Variants in VPS13A observed in about 807,000 individuals in gnomAD.
The protein encoded by VPS13A is vacuolar protein sorting 13 homolog A.
VPS13A carries 264 observed loss-of-function variants against 390.9 expected under a neutral mutation model. The ratio of observed to expected loss-of-function variants is 0.68; its 90% CI spans 0.61 to 0.75. The LOEUF (loss-of-function observed/expected upper bound fraction) is 0.75, where lower values mean the gene tolerates loss of function less well. Among genes scored for constraint, VPS13A ranks in the 30% least tolerant of loss-of-function variants. The pLI is 0.00. For missense variants in VPS13A, 3,409 were observed against 3,733.9 expected (o/e 0.91, Z 2.27); for synonymous variants, 1,231 against 1,227.1 (o/e 1.00, Z -0.07).
At chr9:77,296,706 A>G (rs914206096) in intron 33 of VPS13A, among the ~76,000 whole-genome samples, 3 of 152,214 alleles carry the variant, frequency 2.0e-5, no homozygotes, top group Non-Finnish European at 4.4e-5. Flanking sequence ...TTTGATATGC[A>G]TACATTTCTG....
At chr9:77,315,699 TA>T (rs1829341883) in intron 38 of VPS13A, among the ~76,000 whole-genome samples, 1 of 152,146 alleles carries the variant, frequency 6.6e-6, no homozygotes, top group Non-Finnish European at 1.5e-5. Context: ...TATGTTAGAA[TA>T]AGTAATTGTA....
rs1317305 is a variant in VPS13A at position 77,295,491 on chromosome 9, A to G, written c.3508-51A>G. ...AACCATAAATATCAATATATATTTA[A>G]TAAGTCGTATTTATTAATAACCTTA... On this transcript the variant is annotated intron_variant, in intron 32 of 71. Transcript: ENST00000360280. 115,214 of 1,423,546 alleles carry G rather than the reference A, an allele frequency of 0.081. 5,385 individuals carry two copies. The highest frequency in any genetic ancestry group is 0.12 in the South Asian group (8,449 of 68,256). 88.2% of individuals were successfully genotyped at this position (1,423,546 alleles called of 1,614,324 possible). A position where few individuals can be genotyped will look rare whatever the true frequency, so the allele number is the denominator to read the frequency against.
chr9:77,224,210 T>A (rs1441383448), intron 13 of VPS13A, among the ~76,000 whole-genome samples: 1 of 152,172 alleles, frequency 6.6e-6, no homozygotes, highest in African/African-American at 2.4e-5. Flanking sequence ...TACAAAGAGA[T>A]GAATGTTGTT....
chr9:77,332,927 G>A (rs1272997950), intron 46 of VPS13A, among the ~76,000 whole-genome samples: 2 of 152,122 alleles, frequency 1.3e-5, no homozygotes, highest in South Asian at 2.1e-4. Context: ...TCAATGCTCC[G>A]AAGACAATCT....
At chr9:77,280,358 T>C (rs1165814025) in intron 27 of VPS13A, 120 bp downstream of exon 27, 1 of 768,322 alleles carries the variant, frequency 1.3e-6, no homozygotes, top group Admixed American at 2.4e-5. Context: ...TCTTTGTAAC[T>C]CCTAATACTA....
chr9:77,326,321 G>C (rs1388012981), intron 45 of VPS13A, among the ~76,000 whole-genome samples: 3 of 151,648 alleles, frequency 2.0e-5, no homozygotes, highest in Non-Finnish European at 4.4e-5. Context: ...AAAACTTTTT[G>C]CCATTGTTTC....
At chr9:77,365,046 A>G (rs62573251) in intron 59 of VPS13A, among the ~76,000 whole-genome samples, 17,196 of 152,178 alleles carry the variant, frequency 0.11, 1,052 homozygotes, top group African/African-American at 0.15. Context: ...ATTGTTTTCA[A>G]CACCTTCTTT....
At chr9:77,334,914 TG>T (rs942313386) in intron 46 of VPS13A, among the ~76,000 whole-genome samples, 124 of 152,310 alleles carry the variant, frequency 8.1e-4, no homozygotes, top group African/African-American at 2.9e-3. Context: ...GAAGTCTAAT[TG>T]TTTCACAGTC....
rs918187957 is a variant in VPS13A, at chr9:77,416,813, CAA to C, written c.*808_*809del. The C allele has an allele frequency of 1.3e-5, 2 of 152,550 alleles. No homozygotes were observed. The highest frequency in any genetic ancestry group is 4.8e-5 in the African/African-American group (2 of 41,418). The allele number at this position is 152,550 out of a possible 1,614,324, so 9.4% of individuals were successfully genotyped here. On this transcript the variant is annotated 3_prime_UTR_variant, in exon 72 of 72. Coordinates refer to ENST00000360280, the MANE Select transcript of VPS13A (RefSeq NM_033305.3). ...CAAAGGAGAATTTTTAAAGCCTTAA[CAA>C]TGCCTACTTTCCATTCACTGTTAAC... is the stretch of plus-strand genomic sequence containing the variant.
Position 77,250,194 on chromosome 9 carries a change from A to C in VPS13A, c.2135A>C (p.Gln712Pro). Residue 712 changes from glutamine to proline, a missense_variant, in exon 21 of 72, where the codon CAA becomes CCA. Gln to Pro is a moderately conservative substitution (Grantham distance 76, BLOSUM62 -1). This residue lies in a region of VPS13A where 2,717 missense variants were observed against 2,917.4 expected (regional missense o/e 0.93). Coordinates refer to ENST00000360280, the MANE Select transcript of VPS13A (RefSeq NM_033305.3). ...AGAGCTTATGATTCATTTGATATTC[A>C]ACTTACAAGTGTACAGCTGCTTTAC... Reference protein sequence around the residue: ...MDRAYDSFDIQLTSVQLLYSR... With the variant: ...MDRAYDSFDIPLTSVQLLYSR... 6.2e-7 allele frequency: 1 copy of C among 1,613,860 alleles called. No homozygotes were observed. The highest frequency in any genetic ancestry group is 8.5e-7 in the Non-Finnish European group (1 of 1,179,900).
At chr9:77,288,755 T>A (rs1827485504) in intron 31 of VPS13A, among the ~76,000 whole-genome samples, 1 of 152,210 alleles carries the variant, frequency 6.6e-6, no homozygotes, top group Non-Finnish European at 1.5e-5. Flanking sequence ...AATGTTCCAT[T>A]TGGGCAAGTA....
intron 4 of VPS13A, 50 bp from the exon 5 acceptor site, chr9:77,205,928 A>G (rs372129553): frequency 8.6e-6 from 10 of 1,165,260 alleles, no homozygotes; most frequent in African/African-American, 6.2e-5. Context: ...TGGAATGACT[A>G]TATTTAAATT....
intron 1 of VPS13A, among the ~76,000 whole-genome samples, chr9:77,197,566 A>T (rs931377536): frequency 6.6e-6 from 1 of 152,160 alleles, no homozygotes; most frequent in South Asian, 2.1e-4. Flanking sequence ...GTCTAATATT[A>T]GTATAGGTTG....
rs532651719 is a variant in VPS13A, at chr9:77,420,027, G to A, written c.*4021G>A. ...CATTCTGTATGCAGGACTCAATACA[G>A]ACTTAGTCAATCTGATTTTTTTTGG... On this transcript the variant is annotated 3_prime_UTR_variant, in exon 72 of 72. Transcript: ENST00000360280. The A allele has an allele frequency of 6.6e-6, 1 of 152,172 alleles. No homozygotes were observed. Among genetic ancestry groups the A allele is most frequent in the African/African-American group, 2.4e-5 (1 of 41,442 alleles). 9.4% of individuals were successfully genotyped at this position (152,172 alleles called of 1,614,324 possible).
In VPS13A at chr9:77,307,991, A is replaced by G. The variant is rs142058362; in HGVS notation, c.4007A>G (p.His1336Arg). The G allele has an allele frequency of 5.6e-6, 9 of 1,602,988 alleles. No homozygotes were observed. Among genetic ancestry groups the G allele is most frequent in the Non-Finnish European group, 7.7e-6 (9 of 1,170,010 alleles). ...ATAACAACTATTTTTAAAACATTGC[A>G]TGGCAATATATGGTATGAAAAAGAT... is the stretch of plus-strand genomic sequence containing the variant. Reference protein sequence around the residue: ...EDITTIFKTLHGNIWYEKDGS... With the variant: ...EDITTIFKTLRGNIWYEKDGS... Residue 1336 changes from histidine (H) to arginine (R), a missense_variant, in exon 35 of 72, where the codon CAT (histidine) becomes CGT (arginine). Around this residue, in one of 5 missense-constraint regions of VPS13A, gnomAD observed 2,717 missense variants for 2,917.4 expected, o/e 0.93. Coordinates refer to ENST00000360280, the MANE Select transcript of VPS13A (RefSeq NM_033305.3).
chr9:77,241,436 CTTT>C (rs200979725), intron 19 of VPS13A, among the ~76,000 whole-genome samples: 1 of 128,706 alleles, frequency 7.8e-6, no homozygotes, highest in Admixed American at 7.6e-5. Context: ...TTACACTTGT[CTTT>C]TTTTTTTTTT....
Position 77,193,881 on chromosome 9 carries a change from TC to T in VPS13A, c.101-6063del, listed in dbSNP as rs897171399. The stretch of plus-strand genomic sequence containing the variant: ...TTGAGTTTAGTCGACTGGCATAGTT[TC>T]TTGATGATTTCTGGGTACCAAGGCT... On this transcript the variant is annotated intron_variant, in intron 1 of 71. Transcript: ENST00000360280. 7.2e-5 allele frequency among the ~76,000 whole-genome samples: 11 copies of T among 152,288 alleles called. 1 individual carries two copies. The highest frequency in any genetic ancestry group is 2.6e-4 in the African/African-American group (11 of 41,562).
intron 31 of VPS13A, among the ~76,000 whole-genome samples, chr9:77,291,296 C>T (rs1827643171): frequency 6.6e-6 from 1 of 152,180 alleles, no homozygotes; most frequent in East Asian, 1.9e-4. Context: ...GCCATCTCCC[C>T]ACCCTCCAAC....
intron 1 of VPS13A, among the ~76,000 whole-genome samples, chr9:77,198,813 A>C (rs1241647773): frequency 6.6e-6 from 1 of 151,946 alleles, no homozygotes; most frequent in Non-Finnish European, 1.5e-5. Context: ...ACAGGCATGC[A>C]CCATCACGAC....
Sources: gnomAD v4.1 joint callset for allele counts (sites outside exome capture counted in the v4.1 genomes callset) on GRCh38, gnomAD v4.1.1 for gene constraint, gnomAD v4.1.1 regional missense constraint, MANE v1.5 for transcripts, NCBI Gene and HGNC (gene_info 2026-07-23, HGNC 2026-07-21) for gene names.